The following SLC60A2 variants were observed in gnomAD, a reference collection of about 807,000 sequenced individuals.
SLC60A2 encodes the protein major facilitator superfamily domain containing 4B.
the SLC60A2 span, chr6:111,269,516 A>G: frequency 6.6e-6 from 1 of 152,112 alleles, no homozygotes; most frequent in Non-Finnish European, 1.5e-5. Context: ...CTCTTTTTAT[A>G]GTGTAAATTT....
At chr6:111,260,583 C>G in the SLC60A2 span, among the ~76,000 whole-genome samples, 1 of 152,170 alleles carries the variant, frequency 6.6e-6, no homozygotes, top group Non-Finnish European at 1.5e-5. Context: ...CCCTGGGTCG[C>G]CACTCAATTC....
the SLC60A2 span, chr6:111,259,820 A>G: frequency 8.7e-7 from 1 of 1,147,250 alleles, no homozygotes; most frequent in Admixed American, 2.7e-5. Flanking sequence ...ACCTAATCTG[A>G]CTGGGCCTCA....
At chr6:111,259,763 C>A in the SLC60A2 span, 1 of 1,549,814 alleles carries the variant, frequency 6.5e-7, no homozygotes, top group South Asian at 1.2e-5. Flanking sequence ...CAGGCCGGGG[C>A]GTTCGAGTCT....
the SLC60A2 span, chr6:111,266,617 G>A: frequency 6.8e-6 from 11 of 1,614,182 alleles, no homozygotes; most frequent in Admixed American, 1.8e-4. Context: ...ACCATCCATG[G>A]GAAATCTGCA....
chr6:111,268,691 G>C, the SLC60A2 span: 3 of 152,180 alleles, frequency 2.0e-5, no homozygotes, highest in Admixed American at 2.0e-4. Flanking sequence ...CACCAGGTCT[G>C]TGTGGTAATC....
chr6:111,265,329 CA>C, the SLC60A2 span: 1 of 984,626 alleles, frequency 1.0e-6, no homozygotes, highest in Non-Finnish European at 1.2e-6. Flanking sequence ...GACGTTTAGA[CA>C]GTATAAATTC....
At chr6:111,276,084 C>T in the SLC60A2 span, among the ~76,000 whole-genome samples, 16 of 152,174 alleles carry the variant, frequency 1.1e-4, no homozygotes, top group Non-Finnish European at 2.1e-4. Flanking sequence ...AAGGATCATC[C>T]TTGTTGTAGC....
chr6:111,266,893 A>G, the SLC60A2 span: 1 of 1,614,048 alleles, frequency 6.2e-7, no homozygotes, highest in East Asian at 2.2e-5. Context: ...AATGAAGAGG[A>G]GGATGCAGAA....
At chr6:111,262,966 C>T in the SLC60A2 span, among the ~76,000 whole-genome samples, 2 of 151,950 alleles carry the variant, frequency 1.3e-5, no homozygotes, top group South Asian at 2.1e-4. Flanking sequence ...AGGGTCTCCT[C>T]TCCCTCTATT....
At chr6:111,261,205 T>G in the SLC60A2 span, among the ~76,000 whole-genome samples, 1 of 152,158 alleles carries the variant, frequency 6.6e-6, no homozygotes, top group Non-Finnish European at 1.5e-5. Context: ...TTAGAAACAT[T>G]TAAATTGTTT....
chr6:111,275,644 G>A, the SLC60A2 span, among the ~76,000 whole-genome samples: 1,001 of 152,184 alleles, frequency 6.6e-3, 5 homozygotes, highest in African/African-American at 0.017. Flanking sequence ...TGCTGACCTT[G>A]TGATCCACCC....
chr6:111,261,887 C>T, the SLC60A2 span, among the ~76,000 whole-genome samples: 2,323 of 152,132 alleles, frequency 0.015, 46 homozygotes, highest in Admixed American at 0.059. Flanking sequence ...CTACTGTGCC[C>T]GGCCAATTTA....
the SLC60A2 span, among the ~76,000 whole-genome samples, chr6:111,260,573 C>G: frequency 6.6e-6 from 1 of 152,134 alleles, no homozygotes; most frequent in Non-Finnish European, 1.5e-5. Context: ...TTTGCCAAAC[C>G]CCTGGGTCGC....
chr6:111,267,426 G>A, the SLC60A2 span: 1 of 240,052 alleles, frequency 4.2e-6, no homozygotes. Flanking sequence ...TTTGAGAAGG[G>A]GGGTATTCTC....
chr6:111,279,265 C>CTT, the SLC60A2 span, among the ~76,000 whole-genome samples: 4 of 135,638 alleles, frequency 2.9e-5, no homozygotes, highest in African/African-American at 5.1e-5. Flanking sequence ...TTCTTTCTTT[C>CTT]TTTTTTTTTT....
At chr6:111,273,019 C>T in the SLC60A2 span, among the ~76,000 whole-genome samples, 9 of 149,720 alleles carry the variant, frequency 6.0e-5, no homozygotes, top group South Asian at 2.1e-4. Flanking sequence ...TTAGTAGAGA[C>T]GGGGTTTCAC....
chr6:111,265,985 A>G, the SLC60A2 span: 1 of 1,614,170 alleles, frequency 6.2e-7, no homozygotes, highest in Non-Finnish European at 8.5e-7. Context: ...TGCTAGCTAA[A>G]CTGGCTTTGG....
chr6:111,265,268 A>G, the SLC60A2 span: 27 of 973,224 alleles, frequency 2.8e-5, no homozygotes, highest in African/African-American at 4.0e-4. Flanking sequence ...ATATCTGTTG[A>G]AAAAAAAGAA....
chr6:111,259,593 C>T, the SLC60A2 span: 1 of 1,266,208 alleles, frequency 7.9e-7, no homozygotes, highest in South Asian at 1.5e-5. Context: ...GGGGCAGCGG[C>T]TCCTGCAGGC....
Sources: gnomAD v4.1 joint callset for allele counts (sites outside exome capture counted in the v4.1 genomes callset) on GRCh38, gnomAD v4.1.1 for gene constraint, MANE v1.5 for transcripts, NCBI Gene and HGNC (gene_info 2026-07-23, HGNC 2026-07-21) for gene names.